Variants in CTNNA3 observed in about 807,000 individuals in gnomAD.
The protein encoded by CTNNA3 is catenin alpha 3, also known as catenin alpha-3.
Under a neutral mutation model 95.7 loss-of-function variants are expected in CTNNA3, and 76 were observed. That is an observed-to-expected ratio of 0.79 (90% CI 0.66 to 0.96). The LOEUF (loss-of-function observed/expected upper bound fraction) is 0.96. Ranked by LOEUF, CTNNA3 falls within the 40% of genes least tolerant of loss-of-function variation. The probability of loss-of-function intolerance (pLI) is 0.00; values close to 1 mark genes in which losing one functional copy is unlikely to be tolerated. For synonymous variants in CTNNA3, 431 were observed against 374.4 expected, an observed-to-expected ratio of 1.15 and a Z score of -1.74; for missense variants, 1,191 against 1,089.8, an observed-to-expected ratio of 1.09 and a Z score of -1.31.
Position 66,927,808 on chromosome 10 carries a change from T to A in CTNNA3, c.1048-152284A>T. On this transcript the variant is annotated intron_variant, in intron 7 of 17. Transcript: ENST00000433211. The surrounding 1 kb of genome is among the most constrained non-coding windows in gnomAD (Gnocchi z 4.7). The stretch of plus-strand genomic sequence containing the variant: ...GCTCACATTTATTGGTCAAGAGATT[T>A]TGGATTCTTGGATATCCCTCAATGA... 6.2e-7 allele frequency: 1 copy of A among 1,614,218 alleles called. No individual in the cohort carries two copies. Among genetic ancestry groups the A allele is most frequent in the Non-Finnish European group, 8.5e-7 (1 of 1,180,036 alleles).
At position 66,367,892 on chromosome 10, in the gene CTNNA3, T is replaced by TTA. The variant is rs1564903365; in HGVS notation, c.1732+11259_1732+11260insTA. Among the ~76,000 whole-genome samples, 29 of 21,198 alleles carry TTA rather than the reference T, an allele frequency of 1.4e-3. 1 individual carries two copies. Among genetic ancestry groups the TTA allele is most frequent in the African/African-American group, 2.8e-3 (27 of 9,782 alleles). The allele number at this position is 21,198 out of a possible 152,430, so 13.9% of individuals were successfully genotyped here. ...TAATAATAATAATAATTATTATTATTATTATTATTATTATTATTATTATTA... is the reference window on the plus strand; with the variant it reads ...TAATAATAATAATAATTATTATTATTTAATTATTATTATTATTATTATTATTA... On this transcript the variant is annotated intron_variant, in intron 12 of 17. Transcript: ENST00000433211.
At chr10:67,739,511 T>C (rs1183533045) in intron 1 of CTNNA3, among the ~76,000 whole-genome samples, 1 of 151,800 alleles carries the variant, frequency 6.6e-6, no homozygotes, top group Admixed American at 6.6e-5. Flanking sequence ...TATACACCAA[T>C]AACAGACAAA....
At chr10:66,937,383 T>G (rs947283536) in intron 7 of CTNNA3, among the ~76,000 whole-genome samples, 1 of 152,182 alleles carries the variant, frequency 6.6e-6, no homozygotes, top group African/African-American at 2.4e-5. Context: ...CCTATGAAGA[T>G]TCAATGAGAT....
chr10:66,713,275 C>T (rs1848350978), intron 9 of CTNNA3, among the ~76,000 whole-genome samples: 3 of 152,138 alleles, frequency 2.0e-5, no homozygotes, highest in Non-Finnish European at 4.4e-5. Context: ...CACCTTGGTT[C>T]CTGCAATTGC....
At chr10:67,357,791 C>T (rs997034740) in intron 5 of CTNNA3, among the ~76,000 whole-genome samples, 1 of 151,814 alleles carries the variant, frequency 6.6e-6, no homozygotes, top group Non-Finnish European at 1.5e-5. Flanking sequence ...GGTATGAGCA[C>T]CACCATACAT....
chr10:66,952,311 T>G (rs1390735182), intron 7 of CTNNA3, among the ~76,000 whole-genome samples: 1 of 152,170 alleles, frequency 6.6e-6, no homozygotes, highest in Non-Finnish European at 1.5e-5. Flanking sequence ...AAGAGACAGA[T>G]GTCACTTTTA....
chr10:66,755,387 ACT>A (rs1224937530), intron 9 of CTNNA3, among the ~76,000 whole-genome samples: 2 of 152,110 alleles, frequency 1.3e-5, no homozygotes, highest in African/African-American at 2.4e-5. Context: ...TAGTTGCACA[ACT>A]CTGTGGAATA....
intron 5 of CTNNA3, among the ~76,000 whole-genome samples, chr10:67,479,312 G>A (rs1848132803): frequency 6.6e-6 from 1 of 151,994 alleles, no homozygotes; most frequent in Non-Finnish European, 1.5e-5. Context: ...CTTTTCACCT[G>A]TACATGGAAC....
intron 15 of CTNNA3, among the ~76,000 whole-genome samples, chr10:66,066,840 CATAATAG>C (rs1394427674): frequency 1.3e-5 from 2 of 152,208 alleles, no homozygotes; most frequent in Admixed American, 6.5e-5. Context: ...CATCCATATA[CATAATAG>C]ATTATAAAAT....
chr10:67,627,327 C>G (rs756349962), intron 2 of CTNNA3, among the ~76,000 whole-genome samples: 16 of 152,236 alleles, frequency 1.1e-4, no homozygotes, highest in Middle Eastern at 3.4e-3. Flanking sequence ...CGTAGTCATC[C>G]TGGGTGCCAC....
At chr10:67,017,793 G>A (rs1353248299) in intron 7 of CTNNA3, among the ~76,000 whole-genome samples, 1 of 151,588 alleles carries the variant, frequency 6.6e-6, no homozygotes, top group Non-Finnish European at 1.5e-5. Flanking sequence ...ATTTTGAGAT[G>A]GAGTCTCACT....
rs193022646 is a variant in CTNNA3, at chr10:66,091,267, T to C, written c.1977+11890A>G. 8.5e-5 allele frequency among the ~76,000 whole-genome samples: 13 copies of C among 152,066 alleles called. No homozygotes were observed. In the East Asian group the frequency reaches 1.5e-3, roughly 18 times the overall value. On this transcript the variant is annotated intron_variant, in intron 14 of 17. Coordinates refer to ENST00000433211, the MANE Select transcript of CTNNA3 (RefSeq NM_013266.4). Reference sequence around the variant, plus strand: ...CTGAGTACTTTAGCCTCAACATTTTTCCAAATGCCCATTGTCTAAGTAATT... The same window carrying C: ...CTGAGTACTTTAGCCTCAACATTTTCCCAAATGCCCATTGTCTAAGTAATT...
intron 7 of CTNNA3, among the ~76,000 whole-genome samples, chr10:66,983,084 A>T (rs952603626): frequency 6.6e-6 from 1 of 152,218 alleles, no homozygotes; most frequent in Non-Finnish European, 1.5e-5. Flanking sequence ...TGATTTCATA[A>T]ATCAATTACA....
intron 8 of CTNNA3, among the ~76,000 whole-genome samples, chr10:66,770,366 T>C (rs1198724442): frequency 1.3e-5 from 2 of 152,192 alleles, no homozygotes. Context: ...TTGGGTGATA[T>C]ACAAAAAGTT....
intron 14 of CTNNA3, chr10:66,079,308 T>C (rs1179818849): frequency 6.6e-6 from 1 of 151,914 alleles, no homozygotes; most frequent in Non-Finnish European, 1.5e-5. Flanking sequence ...ACATTTTGGT[T>C]GGTAAGGTAA....
intron 13 of CTNNA3, among the ~76,000 whole-genome samples, chr10:66,169,664 C>T (rs1192337349): frequency 6.6e-6 from 1 of 152,144 alleles, no homozygotes; most frequent in Non-Finnish European, 1.5e-5. Flanking sequence ...TCCCTTTTCA[C>T]TGCATCCATG....
intron 7 of CTNNA3, among the ~76,000 whole-genome samples, chr10:67,061,305 A>C (rs929940645): frequency 6.6e-6 from 1 of 152,192 alleles, no homozygotes; most frequent in African/African-American, 2.4e-5. Context: ...AAGTTACATC[A>C]GGTGCATATT....
chr10:66,698,926 G>A (rs138894113), intron 9 of CTNNA3, among the ~76,000 whole-genome samples: 2 of 152,148 alleles, frequency 1.3e-5, no homozygotes, highest in East Asian at 1.9e-4. Flanking sequence ...TTATTCTACC[G>A]GATCATTTAA....
intron 11 of CTNNA3, among the ~76,000 whole-genome samples, chr10:66,490,073 T>C (rs1345811755): frequency 6.6e-6 from 1 of 152,176 alleles, no homozygotes; most frequent in Admixed American, 6.5e-5. Flanking sequence ...CCCCTTTGTT[T>C]AACACATTTA....
Sources: allele counts gnomAD v4.1 joint callset (sites outside exome capture counted in the v4.1 genomes callset), GRCh38; gene constraint gnomAD v4.1.1; non-coding constraint Gnocchi (gnomAD v3.1); transcripts MANE v1.5; gene names NCBI Gene and HGNC (gene_info 2026-07-23, HGNC 2026-07-21).